SPPL2A: variants seen among roughly 807,000 people sequenced by gnomAD.
SPPL2A encodes the protein signal peptide peptidase-like 2A.
SPPL2A carries 51 observed loss-of-function variants against 63.8 expected under a neutral mutation model. That is an observed-to-expected ratio of 0.80 (90% CI 0.64 to 1.01). SPPL2A has a LOEUF of 1.01. SPPL2A is among the 50% of genes least tolerant of loss of function. The probability of loss-of-function intolerance (pLI) is 0.00; values close to 1 mark genes in which losing one functional copy is unlikely to be tolerated. For synonymous variants in SPPL2A, 188 were observed against 205.8 expected (o/e 0.91, Z 0.74); for missense variants, 553 against 622.7 (o/e 0.89, Z 1.19).
chr15:50,708,028 C>A (rs1156731345), intron 14 of SPPL2A, among the ~76,000 whole-genome samples, 154 bp from the exon 15 acceptor site: 12 of 152,206 alleles, frequency 7.9e-5, no homozygotes, highest in Admixed American at 7.9e-4. Context: ...AACATCCACA[C>A]TTCTAAGGAG....
chr15:50,752,405 A>T (rs1291223970), intron 1 of SPPL2A, among the ~76,000 whole-genome samples: 1 of 151,456 alleles, frequency 6.6e-6, no homozygotes, highest in East Asian at 2.0e-4. Flanking sequence ...GATATGGCAA[A>T]ACCCCGTCTC....
At chr15:50,735,660 C>T (rs908717052) in intron 8 of SPPL2A, among the ~76,000 whole-genome samples, 1 of 152,032 alleles carries the variant, frequency 6.6e-6, no homozygotes, top group Non-Finnish European at 1.5e-5. Flanking sequence ...ACTGCAACCT[C>T]CGCCTCCCGG....
At position 50,736,565 on chromosome 15, in the gene SPPL2A, T is replaced by C; in HGVS notation, c.830+79A>G. 9.7e-6 allele frequency: 8 copies of C among 821,836 alleles called. No homozygotes were observed. The South Asian group carries it at 1.2e-4, about 12-fold the overall frequency. 50.9% of individuals were successfully genotyped at this position (821,836 alleles called of 1,614,324 possible). On this transcript the variant is annotated intron_variant, in intron 7 of 14. Coordinates refer to ENST00000261854, the MANE Select transcript of SPPL2A (RefSeq NM_032802.4). Reference sequence around the variant, plus strand: ...CCAATGTATATTGGACTATATAGGTTTCAAATAATACTCCTACTTTTGTAT... The same window carrying C: ...CCAATGTATATTGGACTATATAGGTCTCAAATAATACTCCTACTTTTGTAT...
At chr15:50,765,395 G>T in intron 1 of SPPL2A, 73 bp downstream of exon 1, 1 of 1,242,638 alleles carries the variant, frequency 8.0e-7, no homozygotes, top group Non-Finnish European at 1.1e-6. Context: ...GAGGAGTAGG[G>T]GAAGGGAGCC....
At chr15:50,734,283 C>CAT (rs2062752937) in intron 8 of SPPL2A, among the ~76,000 whole-genome samples, 3 of 152,062 alleles carry the variant, frequency 2.0e-5, no homozygotes, top group South Asian at 2.1e-4. Context: ...TATACACACT[C>CAT]ATATATATAT....
intron 1 of SPPL2A, among the ~76,000 whole-genome samples, chr15:50,751,142 G>C (rs1382768582): frequency 6.6e-6 from 1 of 152,186 alleles, no homozygotes; most frequent in African/African-American, 2.4e-5. Context: ...CATGCCATCA[G>C]ATTACATAGA....
At position 50,736,152 on chromosome 15, in the gene SPPL2A, C is replaced by A; in HGVS notation, c.881G>T (p.Gly294Val). Residue 294 changes from glycine to valine, a missense_variant, in exon 8 of 15, where the codon GGA becomes GTA. Physicochemically the swap from Gly to Val is moderately radical, Grantham distance 109. Transcript: ENST00000261854. ...AACAACAGCTACTGCTATGCACAGT[C>A]CAGAGAGAAAAATAAGTCTCACTTC... ...NMEVRLIFLS[G>V]LCIAVAVVWA... is the part of the protein sequence containing the mutation. The A allele has an allele frequency of 1.2e-6, 2 of 1,613,286 alleles. No homozygotes were observed. Among genetic ancestry groups the A allele is most frequent in the Non-Finnish European group, 1.7e-6 (2 of 1,179,628 alleles).
chr15:50,716,935 G>T (rs925954725), intron 14 of SPPL2A, among the ~76,000 whole-genome samples: 2 of 152,002 alleles, frequency 1.3e-5, no homozygotes. Flanking sequence ...GATCCAATAG[G>T]TACTTCTGAA....
Position 50,755,971 on chromosome 15 carries a change from C to A in SPPL2A, c.67-6225G>T, listed in dbSNP as rs890145236. Among the ~76,000 whole-genome samples, 40 of 151,984 alleles carry A rather than the reference C, an allele frequency of 2.6e-4. 1 individual carries two copies. Among genetic ancestry groups the A allele is most frequent in the Non-Finnish European group, 4.4e-4 (30 of 68,006 alleles). The stretch of plus-strand genomic sequence containing the variant: ...CTAGGTGATGCTGATGGTCAATGGA[C>A]CCCACCTTGAGTAACAAGGTTATAA... On this transcript the variant is annotated intron_variant, in intron 1 of 14. Coordinates refer to ENST00000261854, the MANE Select transcript of SPPL2A (RefSeq NM_032802.4).
At chr15:50,759,185 T>A (rs1412904807) in intron 1 of SPPL2A, among the ~76,000 whole-genome samples, 2 of 152,152 alleles carry the variant, frequency 1.3e-5, no homozygotes, top group Non-Finnish European at 2.9e-5. Context: ...ATTACAGGCA[T>A]GAGCCACCAT....
chr15:50,725,310 A>AC lies in SPPL2A; in HGVS notation c.1159_1160insG (p.Ile387SerfsTer38). 1.3e-6 allele frequency: 2 copies of AC among 1,584,386 alleles called. No homozygotes were observed. Among genetic ancestry groups the AC allele is most frequent in the Non-Finnish European group, 1.7e-6 (2 of 1,158,522 alleles). ...GAAATAGATCAGTTTTGGTACTCTG[A>AC]TGACTACTGGCAACTGTTCAAAAAC... On this transcript the variant is annotated frameshift_variant, in exon 12 of 15. Transcript: ENST00000261854. LOFTEE classifies it high-confidence loss of function.
At position 50,736,762 on chromosome 15, in the gene SPPL2A, A is replaced by T. The variant is rs376791962; in HGVS notation, c.734-22T>A. On this transcript the variant is annotated intron_variant, in intron 6 of 14. Coordinates refer to ENST00000261854, the MANE Select transcript of SPPL2A (RefSeq NM_032802.4). Reference sequence around the variant, plus strand: ...TAAACTGAAAAAAACAAAACACTAAATTACATGAGAACAGAAGGAAAGGTG... The same window carrying T: ...TAAACTGAAAAAAACAAAACACTAATTTACATGAGAACAGAAGGAAAGGTG... 3.1e-4 allele frequency: 370 copies of T among 1,178,264 alleles called. 1 individual carries two copies. The highest frequency in any genetic ancestry group is 5.1e-5 in the Non-Finnish European group (40 of 785,560). 73.0% of individuals were successfully genotyped at this position (1,178,264 alleles called of 1,614,324 possible). A position where few individuals can be genotyped will look rare whatever the true frequency, so the allele number is the denominator to read the frequency against.
At chr15:50,735,536 T>C (rs201919775) in intron 8 of SPPL2A, among the ~76,000 whole-genome samples, 2 of 121,782 alleles carry the variant, frequency 1.6e-5, no homozygotes, top group Non-Finnish European at 3.5e-5. Flanking sequence ...CACACACACA[T>C]ATATACATAC....
intron 13 of SPPL2A, among the ~76,000 whole-genome samples, chr15:50,721,220 GT>G (rs2062643985): frequency 6.6e-6 from 1 of 151,972 alleles, no homozygotes; most frequent in Non-Finnish European, 1.5e-5. Context: ...TTTTAGTAGA[GT>G]TGAGATTTCA....
Position 50,736,140 on chromosome 15 carries a change from G to T in SPPL2A, c.893C>A (p.Ala298Glu). ...AAACACAGCCCAAACAACAGCTACT[G>T]CTATGCACAGTCCAGAGAGAAAAAT... ...RLIFLSGLCI[A>E]VAVVWAVFRN... Residue 298 changes from alanine (A) to glutamate (E), a missense_variant, in exon 8 of 15, where the codon GCA becomes GAA. Coordinates refer to ENST00000261854, the MANE Select transcript of SPPL2A (RefSeq NM_032802.4). 2.5e-6 allele frequency: 4 copies of T among 1,612,846 alleles called. No homozygotes were observed. The highest frequency in any genetic ancestry group is 3.4e-6 in the Non-Finnish European group (4 of 1,179,290).
chr15:50,734,377 T>A (rs1384237419), intron 8 of SPPL2A, among the ~76,000 whole-genome samples: 1 of 152,146 alleles, frequency 6.6e-6, no homozygotes, highest in East Asian at 1.9e-4. Flanking sequence ...TGGATGGAAC[T>A]GAAGACATCA....
chr15:50,730,071 G>A (rs1291123415), intron 10 of SPPL2A, among the ~76,000 whole-genome samples: 1 of 151,858 alleles, frequency 6.6e-6, no homozygotes, highest in African/African-American at 2.4e-5. Context: ...AGGATAAATG[G>A]ATAATATAAA....
intron 13 of SPPL2A, among the ~76,000 whole-genome samples, chr15:50,720,377 A>G (rs559433114): frequency 1.4e-5 from 2 of 147,368 alleles, no homozygotes; most frequent in South Asian, 4.2e-4. Context: ...ATCTGTTGCT[A>G]TTAAAGATGT....
intron 1 of SPPL2A, among the ~76,000 whole-genome samples, chr15:50,753,720 A>T (rs1341931003): frequency 6.6e-6 from 1 of 152,206 alleles, no homozygotes; most frequent in Non-Finnish European, 1.5e-5. Context: ...TAATGGTTGG[A>T]AGATTAGTGG....
Sources: gnomAD v4.1 joint callset for allele counts (sites outside exome capture counted in the v4.1 genomes callset) on GRCh38, gnomAD v4.1.1 for gene constraint, MANE v1.5 for transcripts, NCBI Gene and HGNC (gene_info 2026-07-23, HGNC 2026-07-21) for gene names.